The following KCNH8 variants were observed in gnomAD, a reference collection of about 807,000 sequenced individuals.
KCNH8 encodes potassium voltage-gated channel subfamily H member 8, also known as voltage-gated delayed rectifier potassium channel KCNH8.
Under a neutral mutation model 103.6 loss-of-function variants are expected in KCNH8, and 70 were observed. The ratio of observed to expected loss-of-function variants is 0.68; its 90% CI spans 0.56 to 0.82. KCNH8 has a LOEUF of 0.82. Among genes scored for constraint, KCNH8 ranks in the 40% least tolerant of loss-of-function variants. KCNH8 has a pLI of 0.00. For synonymous variants in KCNH8, 498 were observed against 489.4 expected (o/e 1.02, Z -0.23); for missense variants, 1,217 against 1,329.9 (o/e 0.92, Z 1.32).
intron 12 of KCNH8, 125 bp downstream of exon 12, chr3:19,510,526 T>C (rs2068765831): frequency 1.0e-5 from 7 of 685,068 alleles, no homozygotes; most frequent in African/African-American, 1.8e-5. Flanking sequence ...GACTTCCCAA[T>C]AAGAGATGTG....
chr3:19,431,943 A>G (rs75607924), intron 7 of KCNH8, among the ~76,000 whole-genome samples: 5,811 of 152,098 alleles, frequency 0.038, 281 homozygotes, highest in East Asian at 0.24. Context: ...TTTTCAAAAA[A>G]CCAGCTCTGG....
chr3:19,316,672 G>A (rs1017564944), intron 3 of KCNH8, among the ~76,000 whole-genome samples: 1 of 151,852 alleles, frequency 6.6e-6, no homozygotes, highest in Non-Finnish European at 1.5e-5. Flanking sequence ...TTGTATTATT[G>A]ATTCTGCTCT....
At chr3:19,295,927 A>G (rs973863625) in intron 3 of KCNH8, among the ~76,000 whole-genome samples, 3 of 152,132 alleles carry the variant, frequency 2.0e-5, no homozygotes, top group African/African-American at 4.8e-5. Context: ...TTTTGAGTCT[A>G]GTTTCTGCCC....
In KCNH8 at chr3:19,482,221, C is replaced by G. The variant is rs559048454; in HGVS notation, c.2040+25239C>G. Reference sequence around the variant, plus strand: ...TACAATGTCTATAATCTATAGATAACGTAACCCATTAGGTCAGGGGTCAGT... The same window carrying G: ...TACAATGTCTATAATCTATAGATAAGGTAACCCATTAGGTCAGGGGTCAGT... On this transcript the variant is annotated intron_variant, in intron 11 of 15. Transcript: ENST00000328405. 8.1e-4 allele frequency among the ~76,000 whole-genome samples: 124 copies of G among 152,318 alleles called. 2 individuals carry two copies. Among genetic ancestry groups the G allele is most frequent in the Non-Finnish European group, 1.6e-3 (109 of 68,032 alleles).
chr3:19,208,332 T>A (rs1322549455), intron 1 of KCNH8, among the ~76,000 whole-genome samples: 1 of 152,042 alleles, frequency 6.6e-6, no homozygotes, highest in Non-Finnish European at 1.5e-5. Flanking sequence ...GTTGTTATGT[T>A]TATTCCTATT....
chr3:19,225,881 AT>A (rs1252297041), intron 1 of KCNH8, among the ~76,000 whole-genome samples: 6 of 152,332 alleles, frequency 3.9e-5, no homozygotes, highest in Non-Finnish European at 5.9e-5. Flanking sequence ...TCCATAAGCT[AT>A]TTTGGCTGGT....
chr3:19,462,406 T>A (rs2067650590), intron 11 of KCNH8, among the ~76,000 whole-genome samples: 1 of 152,254 alleles, frequency 6.6e-6, no homozygotes, highest in Non-Finnish European at 1.5e-5. Context: ...GATGAGCATT[T>A]CTTCATGTGT....
intron 13 of KCNH8, 71 bp from the exon 14 acceptor site, chr3:19,515,251 T>TTAAC: frequency 1.2e-6 from 1 of 826,650 alleles, no homozygotes; most frequent in South Asian, 1.8e-5. Flanking sequence ...ATAATATCTT[T>TTAAC]TAACTCTTTA....
At chr3:19,323,958 T>C (rs1226006971) in intron 3 of KCNH8, among the ~76,000 whole-genome samples, 1 of 152,212 alleles carries the variant, frequency 6.6e-6, no homozygotes, top group Non-Finnish European at 1.5e-5. Flanking sequence ...TTTTGTTAAG[T>C]GCACTGGTTT....
At position 19,492,415 on chromosome 3, in the gene KCNH8, C is replaced by G. The variant is rs558995966; in HGVS notation, c.2041-17948C>G. Among the ~76,000 whole-genome samples the G allele has an allele frequency of 1.1e-4, 16 of 152,278 alleles. No homozygotes were observed. The South Asian group carries it at 3.3e-3, about 32-fold the overall frequency. On this transcript the variant is annotated intron_variant, in intron 11 of 15. Coordinates refer to ENST00000328405, the MANE Select transcript of KCNH8 (RefSeq NM_144633.3). Reference sequence around the variant, plus strand: ...TATGGCTATCCAGTTATCCCAGCACCGTTTATTGAACAGGAAGTCCTTTCC... The same window carrying G: ...TATGGCTATCCAGTTATCCCAGCACGGTTTATTGAACAGGAAGTCCTTTCC...
chr3:19,370,871 C>G (rs894037450), intron 5 of KCNH8, among the ~76,000 whole-genome samples: 1 of 150,230 alleles, frequency 6.7e-6, no homozygotes, highest in Non-Finnish European at 1.5e-5. Flanking sequence ...TTGGTTTTTT[C>G]TTCTTGAGAT....
intron 1 of KCNH8, among the ~76,000 whole-genome samples, chr3:19,173,785 A>C (rs186987959): frequency 1.3e-5 from 2 of 152,206 alleles, no homozygotes; most frequent in African/African-American, 4.8e-5. Context: ...GTTATAACTG[A>C]TTCTCTTGAT....
chr3:19,451,235 T>C lies in KCNH8; in HGVS notation c.1656T>C (p.Phe552=). 6.2e-7 allele frequency: 1 copy of C among 1,613,972 alleles called. No homozygotes were observed. Among genetic ancestry groups the C allele is most frequent in the Non-Finnish European group, 8.5e-7 (1 of 1,179,878 alleles). The stretch of plus-strand genomic sequence containing the variant: ...AGGAGATCTTACAGTTGTCCCTTTT[T>C]GAATGTGCCAGCCGGGGCTGCCTCA... ...LNKEILQLSL[F]ECASRGCLRS... Residue 552 remains phenylalanine, a synonymous_variant, in exon 10 of 16, where the codon TTT becomes TTC. Coordinates refer to ENST00000328405, the MANE Select transcript of KCNH8 (RefSeq NM_144633.3).
chr3:19,217,518 A>G (rs1028141009), intron 1 of KCNH8, among the ~76,000 whole-genome samples: 1 of 152,220 alleles, frequency 6.6e-6, no homozygotes, highest in African/African-American at 2.4e-5. Flanking sequence ...AAATACTTAC[A>G]TAATATTTAC....
At chr3:19,470,648 T>C (rs2067836452) in intron 11 of KCNH8, among the ~76,000 whole-genome samples, 1 of 152,130 alleles carries the variant, frequency 6.6e-6, no homozygotes, top group East Asian at 1.9e-4. Flanking sequence ...GTGGTTTCCA[T>C]GGAATCCCTG....
chr3:19,178,565 G>C (rs879466013), intron 1 of KCNH8, among the ~76,000 whole-genome samples: 1 of 152,118 alleles, frequency 6.6e-6, no homozygotes, highest in Non-Finnish European at 1.5e-5. Flanking sequence ...TGGAAAGCCT[G>C]CTTCATAAGG....
chr3:19,345,717 A>AT (rs1229487524), intron 4 of KCNH8, among the ~76,000 whole-genome samples: 1 of 151,924 alleles, frequency 6.6e-6, no homozygotes, highest in Non-Finnish European at 1.5e-5. Context: ...AGAAGCATCT[A>AT]TTTTTTTCAC....
At chr3:19,339,550 G>T (rs143582175) in intron 3 of KCNH8, among the ~76,000 whole-genome samples, 40 of 152,078 alleles carry the variant, frequency 2.6e-4, no homozygotes, top group African/African-American at 7.7e-4. Flanking sequence ...TTAACTTTTC[G>T]CAGTAACAAT....
intron 1 of KCNH8, among the ~76,000 whole-genome samples, chr3:19,248,631 A>G (rs2064237056): frequency 6.6e-6 from 1 of 152,196 alleles, no homozygotes; most frequent in Non-Finnish European, 1.5e-5. Flanking sequence ...TAAGTCACAT[A>G]GACTGAGTTT....
Sources: gnomAD v4.1 joint callset for allele counts (sites outside exome capture counted in the v4.1 genomes callset) on GRCh38, gnomAD v4.1.1 for gene constraint, MANE v1.5 for transcripts, NCBI Gene and HGNC (gene_info 2026-07-23, HGNC 2026-07-21) for gene names.